The following PCGF3 variants were observed in gnomAD, a reference collection of about 807,000 sequenced individuals.
The protein encoded by PCGF3 is polycomb group RING finger protein 3.
In PCGF3, 7 loss-of-function variants were observed where a neutral mutation model predicts 33.1. The ratio of observed to expected loss-of-function variants is 0.21; its 90% CI spans 0.12 to 0.40. The LOEUF (loss-of-function observed/expected upper bound fraction) is 0.40, where lower values mean the gene tolerates loss of function less well. Among genes scored for constraint, PCGF3 ranks in the 10% least tolerant of loss-of-function variants. The pLI is 1.00. For synonymous variants in PCGF3, 153 were observed against 121.3 expected, an observed-to-expected ratio of 1.26 and a Z score of -1.72; for missense variants, 211 against 313.3, an observed-to-expected ratio of 0.67 and a Z score of 2.46.
intron 8 of PCGF3, among the ~76,000 whole-genome samples, chr4:755,776 G>C (rs946205436): frequency 3.0e-4 from 46 of 151,840 alleles, no homozygotes; most frequent in African/African-American, 1.1e-3. Context: ...CTGTTCCGCT[G>C]GTCTCTTGTC....
chr4:734,820 A>T, intron 4 of PCGF3, 111 bp from the exon 5 acceptor site: 1 of 1,473,552 alleles, frequency 6.8e-7, no homozygotes, highest in Non-Finnish European at 9.1e-7. Context: ...GACAGCAGTG[A>T]GCATCTGCAC....
Position 762,038 on chromosome 4 carries a change from G to A in PCGF3, c.600+622G>A, listed in dbSNP as rs910503627. 22 of 985,242 alleles carry A rather than the reference G, an allele frequency of 2.2e-5. No homozygotes were observed. In the East Asian group the frequency reaches 4.5e-4, roughly 20 times the overall value. The allele number at this position is 985,242 out of a possible 1,614,324, so 61.0% of individuals were successfully genotyped here. ...CAGCGCCAGGAGTTGCAGGAGAGGCGGACTGTGGTGGGGGCGGTCAGGGTG... is the reference window on the plus strand; with the variant it reads ...CAGCGCCAGGAGTTGCAGGAGAGGCAGACTGTGGTGGGGGCGGTCAGGGTG... On this transcript the variant is annotated intron_variant, in intron 9 of 10. Transcript: ENST00000362003.
intron 8 of PCGF3, among the ~76,000 whole-genome samples, chr4:751,403 C>T (rs780343177): frequency 1.4e-4 from 22 of 151,834 alleles, no homozygotes; most frequent in African/African-American, 4.4e-4. Flanking sequence ...GTTTTGTGGC[C>T]GTTTCTGGTG....
intron 1 of PCGF3, among the ~76,000 whole-genome samples, chr4:710,248 C>T (rs912093836): frequency 4.5e-4 from 68 of 152,322 alleles, no homozygotes; most frequent in African/African-American, 1.6e-3. Context: ...GGAGGGTCCG[C>T]AGCCAGGCTG....
exon 11 of PCGF3, chr4:766,530 A>C (rs1420191495): frequency 6.5e-6 from 1 of 153,416 alleles, no homozygotes; most frequent in Non-Finnish European, 1.5e-5. Context: ...TTTCATGGTG[A>C]ATGACAATAT....
intron 1 of PCGF3, among the ~76,000 whole-genome samples, chr4:713,548 C>G (rs371544030): frequency 1.9e-5 from 1 of 52,588 alleles, no homozygotes; most frequent in African/African-American, 5.7e-5. Flanking sequence ...GTGGCCTCGT[C>G]AGGGCTGTGG....
chr4:765,512 C>T (rs984883122), intron 10 of PCGF3, among the ~76,000 whole-genome samples: 13 of 152,194 alleles, frequency 8.5e-5, no homozygotes, highest in African/African-American at 3.1e-4. Context: ...TCATCAACCC[C>T]AGAGCCAGCT....
At chr4:757,947 T>C (rs1744844777) in intron 8 of PCGF3, among the ~76,000 whole-genome samples, 1 of 152,036 alleles carries the variant, frequency 6.6e-6, no homozygotes, top group Non-Finnish European at 1.5e-5. Context: ...GGTGGGCAGA[T>C]CACGAGGTCA....
Position 734,625 on chromosome 4 carries a change from T to C in PCGF3, c.110-306T>C, listed in dbSNP as rs962270208. The stretch of plus-strand genomic sequence containing the variant: ...TTGTAAAATTATCTGTTTTAGCCCA[T>C]GTTCTGATGACCCACAGCTCTGTCA... On this transcript the variant is annotated intron_variant, in intron 4 of 10. Coordinates refer to ENST00000362003, the Ensembl canonical transcript of PCGF3. 3.0e-5 allele frequency: 37 copies of C among 1,234,658 alleles called. No homozygotes were observed. In the East Asian group the frequency reaches 4.4e-4, roughly 15 times the overall value. 76.5% of individuals were successfully genotyped at this position (1,234,658 alleles called of 1,614,324 possible).
chr4:761,481 G>T, intron 9 of PCGF3, 65 bp downstream of exon 9: 1 of 1,472,352 alleles, frequency 6.8e-7, no homozygotes, highest in Non-Finnish European at 9.1e-7. Context: ...GTAACTCCAA[G>T]ATTCTTTGCT....
chr4:766,340 G>C (rs1219016543), exon 11 of PCGF3: 8 of 415,498 alleles, frequency 1.9e-5, no homozygotes, highest in Non-Finnish European at 3.0e-5. Flanking sequence ...TGCAGGGAGA[G>C]TGATGCTCCA....
intron 1 of PCGF3, chr4:723,514 CTG>C (rs1397788168): frequency 6.2e-6 from 1 of 161,442 alleles, no homozygotes; most frequent in Non-Finnish European, 1.3e-5. Flanking sequence ...GGATGGGGCT[CTG>C]TGAAAGTGAG....
chr4:734,783 C>A (rs1490642637), intron 4 of PCGF3, 148 bp from the exon 5 acceptor site: 2 of 1,404,212 alleles, frequency 1.4e-6, no homozygotes, highest in African/African-American at 1.5e-5. Flanking sequence ...AAGATGTTTC[C>A]TTTCAGAAGC....
chr4:768,696 AACTTT>A (rs764600986), exon 11 of PCGF3: 1 of 151,240 alleles, frequency 6.6e-6, no homozygotes, highest in Non-Finnish European at 1.5e-5. Context: ...AAGAAAACTT[AACTTT>A]ATAAAATTAT....
rs531624978 is a variant in PCGF3 at position 732,925 on chromosome 4, G to A, written c.-9-747G>A. Among the ~76,000 whole-genome samples, 16 of 152,338 alleles carry A rather than the reference G, an allele frequency of 1.1e-4. No individual in the cohort carries two copies. The South Asian group carries it at 1.7e-3, about 16-fold the overall frequency. On this transcript the variant is annotated intron_variant, in intron 3 of 10. Coordinates refer to ENST00000362003, the Ensembl canonical transcript of PCGF3. The stretch of plus-strand genomic sequence containing the variant: ...CTGCCTGCCGTCGTGCGGTGACATC[G>A]GGGGTCACCTCCCCGAAGGCGCAGG...
intron 3 of PCGF3, 129 bp downstream of exon 3, chr4:731,239 C>G: frequency 2.5e-6 from 1 of 398,620 alleles, no homozygotes; most frequent in Non-Finnish European, 4.4e-6. Context: ...TCACGGTTCA[C>G]TGCCGAGTTT....
At chr4:722,038 C>T (rs984508200) in intron 1 of PCGF3, among the ~76,000 whole-genome samples, 2 of 152,060 alleles carry the variant, frequency 1.3e-5, no homozygotes, top group East Asian at 1.9e-4. Context: ...TTGCAGAAAC[C>T]GCATCGGAGC....
intron 1 of PCGF3, among the ~76,000 whole-genome samples, chr4:726,068 C>T (rs1322316994): frequency 4.6e-5 from 7 of 152,224 alleles, no homozygotes; most frequent in Admixed American, 2.0e-4. Flanking sequence ...CAGCCGCGGG[C>T]GGGATGGGCT....
chr4:719,066 T>C lies in PCGF3; in HGVS notation c.-189-11564T>C, dbSNP rs142258708. 6.6e-3 allele frequency among the ~76,000 whole-genome samples: 1,001 copies of C among 152,276 alleles called. 12 individuals are homozygous for C. Among genetic ancestry groups the C allele is most frequent in the African/African-American group, 0.023 (951 of 41,548 alleles). On this transcript the variant is annotated intron_variant, in intron 1 of 10. Coordinates refer to ENST00000362003, the Ensembl canonical transcript of PCGF3. ...GCTATACAGGTTCAAGCATTTCTCC[T>C]GCCTCAGGCTCCTGAGTAGCTGGGA...
Sources: allele counts gnomAD v4.1 joint callset (sites outside exome capture counted in the v4.1 genomes callset), GRCh38; gene constraint gnomAD v4.1.1; transcripts MANE v1.5; gene names NCBI Gene and HGNC (gene_info 2026-07-23, HGNC 2026-07-21).